Variants in ABL2 observed in about 807,000 individuals in gnomAD.
ABL2 encodes the protein tyrosine-protein kinase ABL2.
Under a neutral mutation model 107.7 loss-of-function variants are expected in ABL2, and 49 were observed. The ratio of observed to expected loss-of-function variants is 0.45; its 90% CI spans 0.36 to 0.58. ABL2 has a LOEUF of 0.58. ABL2 is among the 20% of genes least tolerant of loss of function. ABL2 has a pLI of 0.00. For missense variants in ABL2, 1,245 were observed against 1,457.0 expected, an observed-to-expected ratio of 0.85 and a Z score of 2.37; for synonymous variants, 549 against 548.6, an observed-to-expected ratio of 1.00 and a Z score of -0.01.
intron 1 of ABL2, among the ~76,000 whole-genome samples, chr1:179,201,265 T>A (rs1348909867): frequency 2.0e-5 from 3 of 152,252 alleles, no homozygotes; most frequent in Admixed American, 6.5e-5. Flanking sequence ...TTTGGAGTTC[T>A]GTGTTTTTCT....
Position 179,104,563 on chromosome 1 carries a change from C to T in ABL2, c.*3155G>A. ...AAAACACTGAATGAATTTCTTAGGG[C>T]CAAATTTTTTAAGGCTAATCTCTGA... On this transcript the variant is annotated 3_prime_UTR_variant, in exon 12 of 12. Transcript: ENST00000502732. The T allele has an allele frequency of 4.8e-6, 1 of 208,288 alleles. No homozygotes were observed. Among genetic ancestry groups the T allele is most frequent in the Non-Finnish European group, 9.8e-6 (1 of 102,278 alleles). 12.9% of individuals were successfully genotyped at this position (208,288 alleles called of 1,614,324 possible).
At chr1:179,136,741 T>TAAATAAATAAATAAAA (rs1357000019) in intron 1 of ABL2, among the ~76,000 whole-genome samples, 1 of 124,308 alleles carries the variant, frequency 8.0e-6, no homozygotes, top group Admixed American at 8.0e-5. Flanking sequence ...AATAAATAAA[T>TAAATAAATAAATAAAA]AAAAATAAAA....
In ABL2 at chr1:179,104,507, T is replaced by C. The variant is rs144659800; in HGVS notation, c.*3211A>G. On this transcript the variant is annotated 3_prime_UTR_variant, in exon 12 of 12. Transcript: ENST00000502732. ...TGCTGCTGGTAAAGGGTCTCCACTA[T>C]AATGACCTCTATGTACAGAGGTCAT... 9.5e-6 allele frequency: 2 copies of C among 210,724 alleles called. No individual in the cohort carries two copies. The highest frequency in any genetic ancestry group is 7.2e-5 in the East Asian group (1 of 13,886). 13.1% of individuals were successfully genotyped at this position (210,724 alleles called of 1,614,324 possible).
chr1:179,182,116 C>T (rs189941383), intron 1 of ABL2, among the ~76,000 whole-genome samples: 1 of 151,796 alleles, frequency 6.6e-6, no homozygotes, highest in Non-Finnish European at 1.5e-5. Context: ...ACTATCTTTT[C>T]ACTGTTTCTC....
At chr1:179,147,528 T>G (rs1451440108) in intron 1 of ABL2, among the ~76,000 whole-genome samples, 1 of 152,204 alleles carries the variant, frequency 6.6e-6, no homozygotes, top group Non-Finnish European at 1.5e-5. Context: ...GGAATACTAC[T>G]TAGCCATAAA....
chr1:179,111,390 A>G (rs1654068145), intron 10 of ABL2, among the ~76,000 whole-genome samples: 1 of 143,666 alleles, frequency 7.0e-6, no homozygotes. Context: ...GGTTCAAGTG[A>G]TTCTCCTGCC....
chr1:179,201,643 C>T lies in ABL2; in HGVS notation c.157+27598G>A, dbSNP rs528126508. On this transcript the variant is annotated intron_variant, in intron 1 of 11. Coordinates refer to ENST00000502732, the MANE Select transcript of ABL2 (RefSeq NM_007314.4). Reference sequence around the variant, plus strand: ...GCCTACATGGATACCCAAGAGTCTTCCTTTCGGGATAGCGTGTCCTCTTGT... The same window carrying T: ...GCCTACATGGATACCCAAGAGTCTTTCTTTCGGGATAGCGTGTCCTCTTGT... 90 of 481,936 alleles carry T rather than the reference C, an allele frequency of 1.9e-4. 1 individual carries two copies. Among genetic ancestry groups the T allele is most frequent in the Middle Eastern group, 1.4e-3 (2 of 1,458 alleles). 29.9% of individuals were successfully genotyped at this position (481,936 alleles called of 1,614,324 possible). A position where few individuals can be genotyped will look rare whatever the true frequency, so the allele number is the denominator to read the frequency against.
At chr1:179,136,103 G>A (rs546601225) in intron 1 of ABL2, among the ~76,000 whole-genome samples, 143 of 147,134 alleles carry the variant, frequency 9.7e-4, no homozygotes, top group Non-Finnish European at 1.7e-3. Flanking sequence ...TCAGCCCCCC[G>A]TCCGGCCAGC....
intron 9 of ABL2, among the ~76,000 whole-genome samples, chr1:179,113,856 C>G (rs1221966570): frequency 6.6e-6 from 1 of 151,886 alleles, no homozygotes; most frequent in African/African-American, 2.4e-5. Context: ...ATGGCATCAA[C>G]CCGAGAGGTG....
intron 9 of ABL2, among the ~76,000 whole-genome samples, chr1:179,112,900 G>C (rs1410790706): frequency 6.6e-6 from 1 of 152,034 alleles, no homozygotes; most frequent in Admixed American, 6.6e-5. Flanking sequence ...GGCTACAGGC[G>C]CACGCCACCA....
Position 179,214,519 on chromosome 1 carries a change from CATATATATATATATATAT to C in ABL2, c.157+14704_157+14721del, listed in dbSNP as rs59744061. Among the ~76,000 whole-genome samples, 59 of 122,146 alleles carry C rather than the reference CATATATATATATATATAT, an allele frequency of 4.8e-4. 1 individual carries two copies. The South Asian group carries it at 7.6e-3, about 16-fold the overall frequency. 80.1% of individuals were successfully genotyped at this position (122,146 alleles called of 152,430 possible). On this transcript the variant is annotated intron_variant, in intron 1 of 11. Transcript: ENST00000502732. ...CAATGGAACAACAGTTTTAAAATGACATATATATATATATATATATATATATATATATGAGAATATATG... is the reference window on the plus strand; with the variant it reads ...CAATGGAACAACAGTTTTAAAATGACATATATATATATATGAGAATATATG...
rs10643666 is a variant in ABL2 at position 179,130,726 on chromosome 1, TTGTGTGTG to T, written c.391+577_391+584del. ...CAAATAAAATCAATCATTATTGATT[TTGTGTGTG>T]TGTGTGTGTGTGTGTGTGTGTGTGT... On this transcript the variant is annotated intron_variant, in intron 3 of 11. Transcript: ENST00000502732. 4.0e-3 allele frequency among the ~76,000 whole-genome samples: 577 copies of T among 142,804 alleles called. 3 individuals carry two copies. Among genetic ancestry groups the T allele is most frequent in the African/African-American group, 0.013 (514 of 38,436 alleles). 93.7% of individuals were successfully genotyped at this position (142,804 alleles called of 152,430 possible).
At chr1:179,185,628 T>C (rs372592033) in intron 1 of ABL2, among the ~76,000 whole-genome samples, 21 of 152,182 alleles carry the variant, frequency 1.4e-4, no homozygotes, top group South Asian at 1.2e-3. Flanking sequence ...TGGTATGCCA[T>C]ATTACATTTT....
intron 1 of ABL2, among the ~76,000 whole-genome samples, chr1:179,161,185 C>T (rs1659046128): frequency 1.3e-5 from 2 of 152,026 alleles, no homozygotes. Context: ...CTACATACCC[C>T]TCTCAAGGTA....
At chr1:179,226,395 A>G (rs1571356387) in intron 1 of ABL2, among the ~76,000 whole-genome samples, 1 of 133,248 alleles carries the variant, frequency 7.5e-6, no homozygotes, top group Non-Finnish European at 1.5e-5. Context: ...TGCAACCTCC[A>G]CCTCCCGGGT....
At position 179,101,120 on chromosome 1, in the gene ABL2, T is replaced by C. The variant is rs1057261747; in HGVS notation, c.*6598A>G. 4.3e-6 allele frequency: 1 copy of C among 230,392 alleles called. No individual in the cohort carries two copies. Among genetic ancestry groups the C allele is most frequent in the African/African-American group, 2.2e-5 (1 of 45,194 alleles). The allele number at this position is 230,392 out of a possible 1,614,324, so 14.3% of individuals were successfully genotyped here. A position where few individuals can be genotyped will look rare whatever the true frequency, so the allele number is the denominator to read the frequency against. ...CTCGTGTCTACCAGCTCTAGTTCAA[T>C]AATCATGCAAAATCAACCCAGCTGA... is the stretch of plus-strand genomic sequence containing the variant. On this transcript the variant is annotated 3_prime_UTR_variant, in exon 12 of 12. Coordinates refer to ENST00000502732, the MANE Select transcript of ABL2 (RefSeq NM_007314.4).
intron 1 of ABL2, among the ~76,000 whole-genome samples, chr1:179,155,876 G>A (rs1328552551): frequency 6.6e-6 from 1 of 152,012 alleles, no homozygotes; most frequent in Non-Finnish European, 1.5e-5. Context: ...AATACACAGT[G>A]TCCTTCCCTT....
chr1:179,142,131 T>C (rs1457461071), intron 1 of ABL2, among the ~76,000 whole-genome samples: 1 of 152,240 alleles, frequency 6.6e-6, no homozygotes, highest in Non-Finnish European at 1.5e-5. Context: ...TACTATAAAT[T>C]AGGTAACTTA....
rs1653816758 is a variant in ABL2 at position 179,109,335 on chromosome 1, G to T, written c.1932C>A (p.Phe644Leu). Residue 644 changes from phenylalanine to leucine, a missense_variant, in exon 12 of 12, where the codon TTC (phenylalanine) becomes TTA (leucine). Phe to Leu is a conservative substitution (Grantham distance 22, BLOSUM62 0). Around this residue, in one of 3 missense-constraint regions of ABL2, gnomAD observed 761 missense variants for 766.4 expected, o/e 0.99. Transcript: ENST00000502732. ...SLLEDAKETC[F>L]TRDRKGGFFS... ...AGAAGCCCCCCTTCCTATCCCTGGTGAAGCATGTCTCTTTGGCATCTTCCA... is the reference window on the plus strand; with the variant it reads ...AGAAGCCCCCCTTCCTATCCCTGGTTAAGCATGTCTCTTTGGCATCTTCCA... 1.9e-6 allele frequency: 3 copies of T among 1,614,102 alleles called. No individual in the cohort carries two copies. The highest frequency in any genetic ancestry group is 2.5e-6 in the Non-Finnish European group (3 of 1,180,022).
Sources: allele counts gnomAD v4.1 joint callset (sites outside exome capture counted in the v4.1 genomes callset), GRCh38; gene constraint gnomAD v4.1.1; regional missense constraint gnomAD v4.1.1; transcripts MANE v1.5; gene names NCBI Gene and HGNC (gene_info 2026-07-23, HGNC 2026-07-21).